The following PATL2 variants were observed in gnomAD, a reference collection of about 807,000 sequenced individuals.
The protein encoded by PATL2 is protein PAT1 homolog 2.
A neutral mutation model predicts 77.0 loss-of-function variants in PATL2; 73 were observed. That is an observed-to-expected ratio of 0.95 (90% CI 0.78 to 1.15). The LOEUF (loss-of-function observed/expected upper bound fraction) is 1.15. Among genes scored for constraint, PATL2 ranks in the 50% most tolerant of loss-of-function variants. The probability of loss-of-function intolerance (pLI) is 0.00; values close to 1 mark genes in which losing one functional copy is unlikely to be tolerated. For missense variants in PATL2, 618 were observed against 655.4 expected (o/e 0.94, Z 0.62); for synonymous variants, 265 against 257.1 (o/e 1.03, Z -0.29).
At chr15:44,705,907 TCTC>T in intron 3 of PATL2, among the ~76,000 whole-genome samples, 1 of 150,094 alleles carries the variant, frequency 6.7e-6, no homozygotes, top group East Asian at 2.0e-4. Flanking sequence ...TTTAAGCAAT[TCTC>T]CTGCCTCAGC....
chr15:44,678,023 T>TA lies in PATL2; in HGVS notation c.-75-1459_-75-1458insT, dbSNP rs1466217904. Reference sequence around the variant, plus strand: ...CAGCTAATTTTTGTATATATATATATTTTTTTTCAGTAGAAACAGGGTTTC... The same window carrying TA: ...CAGCTAATTTTTGTATATATATATATATTTTTTTCAGTAGAAACAGGGTTTC... On this transcript the variant is annotated intron_variant, in intron 3 of 17. Coordinates refer to ENST00000682850, the MANE Select transcript of PATL2 (RefSeq NM_001387263.1). Among the ~76,000 whole-genome samples, 359 of 151,684 alleles carry TA rather than the reference T, an allele frequency of 2.4e-3. 3 individuals are homozygous for TA. Among genetic ancestry groups the TA allele is most frequent in the African/African-American group, 8.2e-3 (339 of 41,370 alleles).
chr15:44,697,997 C>T (rs967021229), intron 3 of PATL2, among the ~76,000 whole-genome samples: 3 of 152,034 alleles, frequency 2.0e-5, no homozygotes, highest in African/African-American at 7.2e-5. Context: ...CTTCAGCCTC[C>T]TAAGTAGCTG....
Position 44,694,225 on chromosome 15 carries a change from C to T in PATL2, c.-76+15871G>A, listed in dbSNP as rs181357686. On this transcript the variant is annotated intron_variant, in intron 3 of 17. Transcript: ENST00000682850. ...GGGGATAGATGGTGGAACCCACCTC[C>T]CCCACTCACACTTGCAGAATGTTGG... 5.3e-4 allele frequency among the ~76,000 whole-genome samples: 80 copies of T among 152,298 alleles called. 2 individuals are homozygous for T. In the East Asian group the frequency reaches 0.015, roughly 29 times the overall value.
At chr15:44,666,909 T>C in intron 16 of PATL2, 197 bp downstream of exon 16, 2 of 578,198 alleles carry the variant, frequency 3.5e-6, no homozygotes, top group Non-Finnish European at 6.1e-6. Context: ...TTAGGTACTA[T>C]GTTATACTGC....
rs1055507499 is a variant in PATL2, at chr15:44,701,656, A to G, written c.-76+8440T>C. Among the ~76,000 whole-genome samples the G allele has an allele frequency of 6.9e-5, 10 of 145,376 alleles. 1 individual carries two copies. The highest frequency in any genetic ancestry group is 2.3e-4 in the African/African-American group (9 of 38,488). ...GGTTGCAGTGAGCTGAGATTATTGC[A>G]CCACTGCCCTCCAGCCTGGGTGACA... On this transcript the variant is annotated intron_variant, in intron 3 of 17. Transcript: ENST00000682850.
intron 7 of PATL2, 88 bp from the exon 8 acceptor site, chr15:44,672,544 G>T: frequency 7.9e-7 from 1 of 1,259,324 alleles, no homozygotes; most frequent in Non-Finnish European, 1.1e-6. Context: ...CAGCTCTGAT[G>T]GACATCTAAG....
chr15:44,680,889 A>G (rs2086119649), intron 3 of PATL2, among the ~76,000 whole-genome samples: 1 of 152,212 alleles, frequency 6.6e-6, no homozygotes, highest in Non-Finnish European at 1.5e-5. Flanking sequence ...CTGCAAATGC[A>G]GGGTCAAGAC....
At position 44,676,324 on chromosome 15, in the gene PATL2, C is replaced by CTT. The variant is rs1471733702; in HGVS notation, c.16+149_16+150dup. 4 of 741,512 alleles carry CTT rather than the reference C, an allele frequency of 5.4e-6. No individual in the cohort carries two copies. The Admixed American group carries it at 8.6e-5, about 16-fold the overall frequency. The allele number at this position is 741,512 out of a possible 1,614,324, so 45.9% of individuals were successfully genotyped here. A position where few individuals can be genotyped will look rare whatever the true frequency, so the allele number is the denominator to read the frequency against. On this transcript the variant is annotated intron_variant, in intron 4 of 17. Transcript: ENST00000682850. ...GAAAAATAAAGCCCAGAAGAGTGAC[C>CTT]TTTCAGTCACCCATTATGATATAAT...
Position 44,676,557 on chromosome 15 carries a change from A to G in PATL2, c.-67T>C. The G allele has an allele frequency of 1.9e-6, 3 of 1,550,524 alleles. No individual in the cohort carries two copies. Among genetic ancestry groups the G allele is most frequent in the Non-Finnish European group, 2.6e-6 (3 of 1,146,288 alleles). ...GTGAAACAGCATTGCCAGCCTCTGG[A>G]AGGTAAACCTGAGACAAGAAAGAGG... On this transcript the variant is annotated 5_prime_UTR_variant, in exon 4 of 18. Coordinates refer to ENST00000682850, the MANE Select transcript of PATL2 (RefSeq NM_001387263.1).
intron 3 of PATL2, among the ~76,000 whole-genome samples, chr15:44,690,103 C>A (rs139492257): frequency 0.013 from 1,918 of 152,102 alleles, 48 homozygotes; most frequent in African/African-American, 0.044. Context: ...GCAGGAGAAT[C>A]GCTTGAACAT....
At chr15:44,682,011 TGG>T (rs1490728275) in intron 3 of PATL2, among the ~76,000 whole-genome samples, 2 of 152,246 alleles carry the variant, frequency 1.3e-5, no homozygotes, top group Non-Finnish European at 2.9e-5. Flanking sequence ...GTCCCTACAC[TGG>T]AGACCTCTCG....
intron 3 of PATL2, among the ~76,000 whole-genome samples, chr15:44,701,823 G>C (rs1246099199): frequency 6.6e-6 from 1 of 151,986 alleles, no homozygotes; most frequent in Non-Finnish European, 1.5e-5. Flanking sequence ...TCAGCTACTG[G>C]GGAGACCTCA....
At chr15:44,671,879 C>T (rs1595962746) in intron 9 of PATL2, 136 bp downstream of exon 9, 2 of 1,072,418 alleles carry the variant, frequency 1.9e-6, no homozygotes. Context: ...AAATACGGCC[C>T]CCATCCTGTA....
Position 44,673,265 on chromosome 15 carries a change from C to T in PATL2, c.416G>A (p.Ser139Asn), listed in dbSNP as rs771215547. 38 of 1,551,586 alleles carry T rather than the reference C, an allele frequency of 2.4e-5. No homozygotes were observed. The South Asian group carries it at 3.7e-4, about 15-fold the overall frequency. The change falls in exon 7 of 18, where the codon AGC becomes AAC. Residue 139 changes from serine (S) to asparagine (N), a missense_variant. Ser to Asn is a conservative substitution (Grantham distance 46). Transcript: ENST00000682850. ...CCTAGGGGGCCACGAGGTCAGCAGG[C>T]TGCAGAAGAGAGTTGGGTCTGGTGA... is the stretch of plus-strand genomic sequence containing the variant. Reference protein sequence around the residue: ...LPSPDPTLFCSLLTSWPPRFS... With the variant: ...LPSPDPTLFCNLLTSWPPRFS...
chr15:44,687,160 A>G (rs2086277831), intron 3 of PATL2, among the ~76,000 whole-genome samples: 1 of 152,210 alleles, frequency 6.6e-6, no homozygotes, highest in Admixed American at 6.5e-5. Flanking sequence ...GTCCTCAATA[A>G]AATACTGGCA....
At chr15:44,672,194 C>T in intron 8 of PATL2, 38 bp from the exon 9 acceptor site, 4 of 1,551,584 alleles carry the variant, frequency 2.6e-6, no homozygotes, top group Non-Finnish European at 3.5e-6. Context: ...GACTTACCCA[C>T]CACTGGCACT....
intron 3 of PATL2, among the ~76,000 whole-genome samples, chr15:44,683,330 G>C (rs1595977610): frequency 2.0e-5 from 3 of 152,326 alleles, no homozygotes; most frequent in African/African-American, 7.2e-5. Flanking sequence ...AGCAAGCTGA[G>C]ATGCACTGGC....
In PATL2 at chr15:44,666,557, A is replaced by T; in HGVS notation, c.1464-16T>A. 1 of 1,500,838 alleles carries T rather than the reference A, an allele frequency of 6.7e-7. No homozygotes were observed. Among genetic ancestry groups the T allele is most frequent in the Non-Finnish European group, 8.9e-7 (1 of 1,126,158 alleles). 93.0% of individuals were successfully genotyped at this position (1,500,838 alleles called of 1,614,324 possible). On this transcript the variant is annotated splice_polypyrimidine_tract_variant and intron_variant, in intron 16 of 17. Coordinates refer to ENST00000682850, the MANE Select transcript of PATL2 (RefSeq NM_001387263.1). Reference sequence around the variant, plus strand: ...CATGTCTGTCCTAGAGAGCATAAATATAAATATAAGCAAATAGATTTGCTT... The same window carrying T: ...CATGTCTGTCCTAGAGAGCATAAATTTAAATATAAGCAAATAGATTTGCTT...
At chr15:44,681,705 C>T (rs2086137573) in intron 3 of PATL2, among the ~76,000 whole-genome samples, 1 of 152,124 alleles carries the variant, frequency 6.6e-6, no homozygotes, top group Admixed American at 6.5e-5. Context: ...AGGTTAAATC[C>T]TCTGCAACCT....
Sources: allele counts gnomAD v4.1 joint callset (sites outside exome capture counted in the v4.1 genomes callset), GRCh38; gene constraint gnomAD v4.1.1; transcripts MANE v1.5; gene names NCBI Gene and HGNC (gene_info 2026-07-23, HGNC 2026-07-21).